SIDT1: variants seen among roughly 807,000 people sequenced by gnomAD.
The protein encoded by SIDT1 is SID1 transmembrane family member 1, also known as SID1 transmembrane family, member 1.
SIDT1 carries 101 observed loss-of-function variants against 107.5 expected under a neutral mutation model. The ratio of observed to expected loss-of-function variants is 0.94; its 90% CI spans 0.80 to 1.11. The LOEUF (loss-of-function observed/expected upper bound fraction) is 1.11, where lower values mean the gene tolerates loss of function less well. Ranked by LOEUF, SIDT1 falls within the 50% of genes least tolerant of loss-of-function variation. The pLI is 0.00. For synonymous variants in SIDT1, 395 were observed against 398.2 expected (o/e 0.99, Z 0.10); for missense variants, 1,076 against 1,058.2 (o/e 1.02, Z -0.23).
At chr3:113,626,546 A>G (rs1489440179) in intron 24 of SIDT1, among the ~76,000 whole-genome samples, 1 of 152,170 alleles carries the variant, frequency 6.6e-6, no homozygotes, top group East Asian at 1.9e-4. Context: ...TTCCGATAAC[A>G]TTGGGTTATT....
intron 1 of SIDT1, among the ~76,000 whole-genome samples, chr3:113,564,062 C>T (rs560457283): frequency 1.4e-4 from 21 of 152,308 alleles, no homozygotes; most frequent in Admixed American, 4.6e-4. Context: ...GATTCTCCTG[C>T]CTCAGCCTCC....
chr3:113,563,673 A>G (rs1379744050), intron 1 of SIDT1, among the ~76,000 whole-genome samples: 1 of 152,214 alleles, frequency 6.6e-6, no homozygotes, highest in African/African-American at 2.4e-5. Context: ...AGTACCCTTT[A>G]CATTAAAAGA....
At chr3:113,591,101 G>T (rs918229664) in intron 9 of SIDT1, among the ~76,000 whole-genome samples, 39 of 152,212 alleles carry the variant, frequency 2.6e-4, no homozygotes, top group Admixed American at 2.0e-4. Flanking sequence ...AGGTTGGAAT[G>T]ATATACTTTG....
At position 113,624,570 on chromosome 3, in the gene SIDT1, A is replaced by G. The variant is rs946359058; in HGVS notation, c.2307+837A>G. 1.4e-4 allele frequency among the ~76,000 whole-genome samples: 22 copies of G among 152,342 alleles called. 1 individual carries two copies. The highest frequency in any genetic ancestry group is 4.1e-4 in the South Asian group (2 of 4,830). ...GTGATGCTGCTGTGAATATTTGTGT[A>G]CAAGTTTTTTCCTTGAGGTAAAATA... On this transcript the variant is annotated intron_variant, in intron 23 of 24. Coordinates refer to ENST00000264852, the MANE Select transcript of SIDT1 (RefSeq NM_017699.3).
In SIDT1 at chr3:113,604,940, G is replaced by A. The variant is rs3732797; in HGVS notation, c.1368G>A (p.Ala456=). The A allele has an allele frequency of 0.082, 131,700 of 1,613,636 alleles. 6,183 individuals are homozygous for A. The highest frequency in any genetic ancestry group is 0.19 in the Middle Eastern group (1,153 of 6,062). ...WNIITIAVFY[A]LPVIQLVITY... ...TCATCACCATTGCTGTGTTTTACGC[G>A]CTGCCCGTGATCCAGCTGGTCATTA... Residue 456 remains alanine, a synonymous_variant, in exon 14 of 25, where the codon GCG becomes GCA. Coordinates refer to ENST00000264852, the MANE Select transcript of SIDT1 (RefSeq NM_017699.3).
chr3:113,581,409 C>T lies in SIDT1; in HGVS notation c.712C>T (p.Gln238Ter), dbSNP rs1430581078. 1 of 1,614,108 alleles carries T rather than the reference C, an allele frequency of 6.2e-7. No individual in the cohort carries two copies. The highest frequency in any genetic ancestry group is 8.5e-7 in the Non-Finnish European group (1 of 1,179,968). The change falls in exon 6 of 25, where the codon CAG (glutamine) becomes TAG (stop). Residue 238 changes from glutamine to a stop codon, truncating the protein, a stop_gained. Transcript: ENST00000264852. LOFTEE classifies it high-confidence loss of function. ...CAATGTGGAATTTAATGGTGTCTAT[C>T]AGTCCATGACCAAGAAAGCTGCCAT... ...DHNVEFNGVY[Q>*]SMTKKAAITL...
intron 21 of SIDT1, chr3:113,620,063 G>A (rs1946361195): frequency 5.5e-6 from 1 of 181,446 alleles, no homozygotes; most frequent in African/African-American, 2.4e-5. Flanking sequence ...TAAATAGATA[G>A]ATAGATAGAT....
At chr3:113,633,733 C>T (rs35089588), downstream of SIDT1, among the ~76,000 whole-genome samples, 48,742 of 152,006 alleles carry the variant, frequency 0.32, 7,973 homozygotes, top group Non-Finnish European at 0.35. Flanking sequence ...TGCGTGGAGC[C>T]TGCAGAAGGC....
chr3:113,566,542 G>A lies in SIDT1; in HGVS notation c.344+1G>A. On this transcript the variant is annotated splice_donor_variant, in intron 2 of 24. Transcript: ENST00000264852. LOFTEE classifies it high-confidence loss of function. ...AGGTTCCTCTGCTCTTCCAAGGACT[G>A]TAAGTGGGTTTTCTTCCAGGCAACT... 6.2e-7 allele frequency: 1 copy of A among 1,612,188 alleles called. No individual in the cohort carries two copies. The highest frequency in any genetic ancestry group is 1.1e-5 in the South Asian group (1 of 90,716).
chr3:113,580,237 G>A (rs1943223109), intron 4 of SIDT1, among the ~76,000 whole-genome samples: 1 of 152,166 alleles, frequency 6.6e-6, no homozygotes, highest in Non-Finnish European at 1.5e-5. Flanking sequence ...CACACAGAAA[G>A]AAGTGAATCT....
chr3:113,600,836 G>A (rs980316402), intron 10 of SIDT1, among the ~76,000 whole-genome samples: 2 of 152,146 alleles, frequency 1.3e-5, no homozygotes, highest in Non-Finnish European at 2.9e-5. Context: ...GAAAGGCCAG[G>A]GAACACCTAA....
Position 113,619,731 on chromosome 3 carries a change from G to A in SIDT1, c.2090+5G>A, listed in dbSNP as rs1946330966. On this transcript the variant is annotated splice_donor_5th_base_variant and intron_variant, in intron 21 of 24. Transcript: ENST00000264852. ...GAATCTGGTTAACTGGTCCTTGTAA[G>A]TAGTCTTATGAAAACATGTTTTTGC... 1.9e-6 allele frequency: 3 copies of A among 1,613,628 alleles called. No homozygotes were observed. The highest frequency in any genetic ancestry group is 2.7e-5 in the African/African-American group (2 of 75,026).
intron 23 of SIDT1, 124 bp from the exon 24 acceptor site, chr3:113,625,978 T>C: frequency 2.8e-6 from 2 of 719,308 alleles, no homozygotes; most frequent in Non-Finnish European, 5.0e-6. Context: ...GGATGGATGT[T>C]TTCTTGGAAG....
intron 1 of SIDT1, among the ~76,000 whole-genome samples, chr3:113,539,848 C>T (rs1020762666): frequency 5.3e-5 from 8 of 151,992 alleles, no homozygotes; most frequent in Middle Eastern, 6.3e-3. Context: ...ACTAAAAATA[C>T]AAAAAAGTAG....
rs1560125720 is a variant in SIDT1, at chr3:113,612,016, A to G, written c.1858-70A>G. The G allele has an allele frequency of 5.5e-6, 6 of 1,099,272 alleles. No individual in the cohort carries two copies. The East Asian group carries it at 1.4e-4, about 26-fold the overall frequency. The allele number at this position is 1,099,272 out of a possible 1,614,324, so 68.1% of individuals were successfully genotyped here. On this transcript the variant is annotated intron_variant, in intron 18 of 24. Transcript: ENST00000264852. ...GTTTTTGACTCCTTACACATACAGG[A>G]GAGAGGATGATTTTGATGAGTTTTC... is the stretch of plus-strand genomic sequence containing the variant.
At chr3:113,635,323 C>T in the SIDT1 span, among the ~76,000 whole-genome samples, 1 of 152,170 alleles carries the variant, frequency 6.6e-6, no homozygotes, top group South Asian at 2.1e-4. Flanking sequence ...TAGCAAGATC[C>T]TGTCTCTACA....
Position 113,608,507 on chromosome 3 carries a change from T to C in SIDT1, c.1691T>C (p.Val564Ala). The change falls in exon 17 of 25, where the codon GTC becomes GCC. Residue 564 changes from valine (V) to alanine (A), a missense_variant. Val to Ala is a moderately conservative substitution (Grantham distance 64). Transcript: ENST00000264852. ...GGGGTGCTCAGTGCTTGCTACCATG[T>C]CTGCCCTAATTATTCCAACTTCCAA... ...MEGVLSACYH[V>A]CPNYSNFQFD... 6 of 1,613,168 alleles carry C rather than the reference T, an allele frequency of 3.7e-6. No individual in the cohort carries two copies. The highest frequency in any genetic ancestry group is 5.1e-6 in the Non-Finnish European group (6 of 1,179,048).
At chr3:113,591,855 G>A (rs1944179661) in intron 9 of SIDT1, among the ~76,000 whole-genome samples, 1 of 152,172 alleles carries the variant, frequency 6.6e-6, no homozygotes, top group Admixed American at 6.5e-5. Context: ...GTTCATAACA[G>A]TATTACTCAT....
At chr3:113,533,436 G>T (rs921109807) in intron 1 of SIDT1, among the ~76,000 whole-genome samples, 193 bp downstream of exon 1, 1 of 152,172 alleles carries the variant, frequency 6.6e-6, no homozygotes, top group Admixed American at 6.5e-5. Flanking sequence ...ACTCTGCTTC[G>T]CCTCGCGCCT....
Sources: allele counts gnomAD v4.1 joint callset (sites outside exome capture counted in the v4.1 genomes callset), GRCh38; gene constraint gnomAD v4.1.1; transcripts MANE v1.5; gene names NCBI Gene and HGNC (gene_info 2026-07-23, HGNC 2026-07-21).